Variants in TTLL7 observed in about 807,000 individuals in gnomAD.
The protein encoded by TTLL7 is tubulin polyglutamylase TTLL7.
A neutral mutation model predicts 120.2 loss-of-function variants in TTLL7; 53 were observed. The ratio of observed to expected loss-of-function variants is 0.44; its 90% confidence interval spans 0.35 to 0.55. The LOEUF is 0.55. Ranked by LOEUF, TTLL7 falls within the 20% of genes least tolerant of loss-of-function variation. The probability of loss-of-function intolerance (pLI) is 0.00; values close to 1 mark genes in which losing one functional copy is unlikely to be tolerated. For synonymous variants in TTLL7, 353 were observed against 351.7 expected, an observed-to-expected ratio of 1.00 and a Z score of -0.04; for missense variants, 803 against 1,054.7, an observed-to-expected ratio of 0.76 and a Z score of 3.31.
chr1:83,916,496 TGGGGGAG>T (rs1658198210), intron 14 of TTLL7, among the ~76,000 whole-genome samples: 1 of 40,374 alleles, frequency 2.5e-5, no homozygotes, highest in Admixed American at 3.2e-4. Flanking sequence ...TGTTGTGGAG[TGGGGGAG>T]GGGGGAGGGA....
chr1:83,866,064 GTACA>G lies in TTLL7; in HGVS notation c.*3894_*3897del, dbSNP rs1652893562. The G allele has an allele frequency of 6.6e-6, 1 of 151,732 alleles. No individual in the cohort carries two copies. The highest frequency in any genetic ancestry group is 1.5e-5 in the Non-Finnish European group (1 of 67,760). 9.4% of individuals were successfully genotyped at this position (151,732 alleles called of 1,614,324 possible). A position where few individuals can be genotyped will look rare whatever the true frequency, so the allele number is the denominator to read the frequency against. ...TCAGGTCACAAGAACACAATTAATT[GTACA>G]GTTATACATTTTATTTAACCCCTAT... On this transcript the variant is annotated 3_prime_UTR_variant, in exon 21 of 21. Transcript: ENST00000260505.
At chr1:83,896,160 A>G (rs1656202284) in intron 18 of TTLL7, among the ~76,000 whole-genome samples, 1 of 152,056 alleles carries the variant, frequency 6.6e-6, no homozygotes, top group Non-Finnish European at 1.5e-5. Context: ...ACAAAAATAA[A>G]TGATCAGCAA....
At position 83,929,247 on chromosome 1, in the gene TTLL7, A is replaced by C; in HGVS notation, c.1048-17T>G. On this transcript the variant is annotated splice_polypyrimidine_tract_variant and intron_variant, in intron 9 of 20. Transcript: ENST00000260505. ...TCGGTTAATCTGAAATTTACAAAGAAGACAATATTGGAAGGTAAATAAATA... is the reference window on the plus strand; with the variant it reads ...TCGGTTAATCTGAAATTTACAAAGACGACAATATTGGAAGGTAAATAAATA... The C allele has an allele frequency of 6.4e-7, 1 of 1,567,104 alleles. No individual in the cohort carries two copies. Among genetic ancestry groups the C allele is most frequent in the Middle Eastern group, 1.7e-4 (1 of 5,950 alleles).
intron 20 of TTLL7, among the ~76,000 whole-genome samples, chr1:83,873,580 C>T (rs1412366945): frequency 6.6e-6 from 1 of 152,096 alleles, no homozygotes; most frequent in Non-Finnish European, 1.5e-5. Context: ...AGGAGAAATA[C>T]CTCAGACTAC....
At chr1:83,925,892 C>T (rs763941365) in intron 10 of TTLL7, among the ~76,000 whole-genome samples, 2 of 151,774 alleles carry the variant, frequency 1.3e-5, no homozygotes, top group African/African-American at 4.8e-5. Flanking sequence ...GAGGCCGAGG[C>T]GGTGGATCAC....
At chr1:83,884,544 G>T (rs1654807137) in intron 19 of TTLL7, among the ~76,000 whole-genome samples, 1 of 151,850 alleles carries the variant, frequency 6.6e-6, no homozygotes, top group Non-Finnish European at 1.5e-5. Context: ...AGACTGAAAT[G>T]AGTTAATTGA....
intron 3 of TTLL7, 69 bp downstream of exon 3, chr1:83,951,776 T>G: frequency 6.7e-7 from 1 of 1,501,680 alleles, no homozygotes; most frequent in Non-Finnish European, 8.9e-7. Flanking sequence ...ATTTCTACAT[T>G]GTTTTTAACA....
intron 1 of TTLL7, among the ~76,000 whole-genome samples, chr1:83,992,840 C>T (rs867145632): frequency 9.8e-6 from 1 of 101,562 alleles, no homozygotes; most frequent in Middle Eastern, 7.7e-3. Context: ...GCTTTTCTCT[C>T]CAAAAAACAA....
chr1:83,981,212 A>G (rs1651922742), intron 1 of TTLL7: 1 of 152,174 alleles, frequency 6.6e-6, no homozygotes, highest in South Asian at 2.1e-4. Context: ...AGATTGGCAC[A>G]GTAAATTTTA....
intron 1 of TTLL7, among the ~76,000 whole-genome samples, chr1:83,956,427 C>CTTT (rs35592317): frequency 6.2e-4 from 84 of 136,040 alleles, no homozygotes; most frequent in South Asian, 9.4e-4. Flanking sequence ...ACCTAGCCCA[C>CTTT]TTTTTTTTTT....
At chr1:83,873,134 T>C (rs1053980180) in intron 20 of TTLL7, among the ~76,000 whole-genome samples, 13 of 152,208 alleles carry the variant, frequency 8.5e-5, no homozygotes, top group African/African-American at 3.1e-4. Context: ...ATATTATATA[T>C]GCCGCAAACC....
intron 1 of TTLL7, among the ~76,000 whole-genome samples, chr1:83,974,922 T>C (rs11163876): frequency 0.43 from 65,446 of 151,824 alleles, 15,565 homozygotes; most frequent in Non-Finnish European, 0.54. Context: ...GTTACATATG[T>C]AACTTAGCTC....
At chr1:83,897,838 C>G (rs1338975243) in intron 18 of TTLL7, among the ~76,000 whole-genome samples, 1 of 147,428 alleles carries the variant, frequency 6.8e-6, no homozygotes, top group Non-Finnish European at 1.5e-5. Flanking sequence ...CTCTCTCTCC[C>G]CATTATCTTC....
At chr1:83,901,137 C>T (rs1269307830) in intron 18 of TTLL7, among the ~76,000 whole-genome samples, 1 of 151,864 alleles carries the variant, frequency 6.6e-6, no homozygotes, top group Non-Finnish European at 1.5e-5. Context: ...ATCTGTCTTC[C>T]TCAAACTCCT....
chr1:83,938,863 T>A (rs1490357562), intron 7 of TTLL7, among the ~76,000 whole-genome samples: 1 of 152,200 alleles, frequency 6.6e-6, no homozygotes, highest in Non-Finnish European at 1.5e-5. Context: ...ACATCACAAT[T>A]AAAATATACT....
intron 5 of TTLL7, 47 bp from the exon 6 acceptor site, chr1:83,947,329 A>G (rs1312228424): frequency 6.6e-7 from 1 of 1,521,086 alleles, no homozygotes; most frequent in South Asian, 1.2e-5. Context: ...TCAAACTAGC[A>G]TATATTTTCT....
intron 1 of TTLL7, among the ~76,000 whole-genome samples, chr1:83,966,972 G>A (rs1650516768): frequency 2.0e-5 from 3 of 152,088 alleles, no homozygotes; most frequent in African/African-American, 7.2e-5. Context: ...GAGATTCAGA[G>A]GAGTCTGTCT....
At chr1:83,982,591 A>G (rs1383941351) in intron 1 of TTLL7, among the ~76,000 whole-genome samples, 1 of 152,238 alleles carries the variant, frequency 6.6e-6, no homozygotes, top group Non-Finnish European at 1.5e-5. Flanking sequence ...AAATATATCT[A>G]GCAAAAGAAC....
rs186524004 is a variant in TTLL7 at position 83,910,690 on chromosome 1, A to G, written c.1786+475T>C. ...TCACCCGTGATGAAAATGGGAGGGA[A>G]CAAAACTCCAACTATTTCACAATTA... On this transcript the variant is annotated intron_variant, in intron 15 of 20. Transcript: ENST00000260505. 1.2e-3 allele frequency among the ~76,000 whole-genome samples: 177 copies of G among 152,224 alleles called. 1 individual carries two copies. Among genetic ancestry groups the G allele is most frequent in the African/African-American group, 4.1e-3 (172 of 41,566 alleles).
Sources: gnomAD v4.1 joint callset for allele counts (sites outside exome capture counted in the v4.1 genomes callset) on GRCh38, gnomAD v4.1.1 for gene constraint, MANE v1.5 for transcripts, NCBI Gene and HGNC (gene_info 2026-07-23, HGNC 2026-07-21) for gene names.